MOCS2: variants seen among roughly 807,000 people sequenced by gnomAD.
MOCS2 encodes molybdenum cofactor synthesis 2, also known as molybdopterin synthase catalytic subunit.
In MOCS2, 13 loss-of-function variants were observed where a neutral mutation model predicts 21.9. That is an observed-to-expected ratio of 0.59 (90% CI 0.39 to 0.94). The LOEUF is 0.94. Among genes scored for constraint, MOCS2 ranks in the 40% least tolerant of loss-of-function variants. MOCS2 has a pLI of 0.00. For missense variants in MOCS2, 227 were observed against 218.3 expected (o/e 1.04, Z -0.25); for synonymous variants, 92 against 80.8 (o/e 1.14, Z -0.74).
rs1244462454 is a variant in MOCS2, at chr5:53,096,619, T to C, written c.*1983A>G. The C allele has an allele frequency of 1.3e-5, 2 of 152,184 alleles. No homozygotes were observed. Among genetic ancestry groups the C allele is most frequent in the Non-Finnish European group, 2.9e-5 (2 of 68,020 alleles). 9.4% of individuals were successfully genotyped at this position (152,184 alleles called of 1,614,324 possible). A position where few individuals can be genotyped will look rare whatever the true frequency, so the allele number is the denominator to read the frequency against. On this transcript the variant is annotated 3_prime_UTR_variant, in exon 7 of 7. Transcript: ENST00000396954. ...ACCAATTAACTCTGCCACTCCTAAG[T>C]AAGCAAGGGTCAGTAAAGATCCTAT... is the stretch of plus-strand genomic sequence containing the variant.
chr5:53,105,942 A>G (rs375814600), intron 3 of MOCS2, among the ~76,000 whole-genome samples: 2 of 152,246 alleles, frequency 1.3e-5, no homozygotes, highest in African/African-American at 2.4e-5. Context: ...AAAAGAAGAC[A>G]TACATGTGGC....
chr5:53,109,519 C>CGCAGTAAAGCCCGGAG lies in MOCS2; in HGVS notation c.-454_-439dup. On this transcript the variant is annotated 5_prime_UTR_variant, in exon 1 of 7. Coordinates refer to ENST00000396954, the MANE Select transcript of MOCS2 (RefSeq NM_004531.5). ...AGGACCCGACTTCTGCTGGGGCAGT[C>CGCAGTAAAGCCCGGAG]GCAGTAAAGCCCGGAGACAGGAAGG... 7.4e-7 allele frequency: 1 copy of CGCAGTAAAGCCCGGAG among 1,347,346 alleles called. No individual in the cohort carries two copies. Among genetic ancestry groups the CGCAGTAAAGCCCGGAG allele is most frequent in the Non-Finnish European group, 9.5e-7 (1 of 1,051,234 alleles). 83.5% of individuals were successfully genotyped at this position (1,347,346 alleles called of 1,614,324 possible). A position where few individuals can be genotyped will look rare whatever the true frequency, so the allele number is the denominator to read the frequency against.
intron 6 of MOCS2, among the ~76,000 whole-genome samples, chr5:53,100,109 C>A (rs1316022712): frequency 1.3e-5 from 2 of 152,110 alleles, no homozygotes; most frequent in Non-Finnish European, 2.9e-5. Context: ...CACTCTCCAA[C>A]AGAAAGACCC....
intron 5 of MOCS2, 120 bp from the exon 6 acceptor site, chr5:53,100,654 A>G: frequency 1.9e-6 from 2 of 1,044,068 alleles, no homozygotes; most frequent in Non-Finnish European, 1.4e-6. Context: ...CTGTAGTTCT[A>G]TTTTACGTAA....
rs1227939479 is a variant in MOCS2, at chr5:53,095,797, A to C, written c.*2805T>G. On this transcript the variant is annotated 3_prime_UTR_variant, in exon 7 of 7. Coordinates refer to ENST00000396954, the MANE Select transcript of MOCS2 (RefSeq NM_004531.5). ...TCATTTATATCCCATAGTTAACTGG[A>C]AAATAATTTTATACTTACTTTTTAA... 6.6e-6 allele frequency: 1 copy of C among 152,226 alleles called. No homozygotes were observed. The highest frequency in any genetic ancestry group is 1.5e-5 in the Non-Finnish European group (1 of 68,044). The allele number at this position is 152,226 out of a possible 1,614,324, so 9.4% of individuals were successfully genotyped here.
At chr5:53,098,937 GA>G (rs1193210477) in intron 6 of MOCS2, among the ~76,000 whole-genome samples, 2 of 152,086 alleles carry the variant, frequency 1.3e-5, no homozygotes, top group Admixed American at 1.3e-4. Context: ...ATTAGCTGTT[GA>G]ATTAAGTGGT....
In MOCS2 at chr5:53,097,993, G is replaced by A. The variant is rs1740793289; in HGVS notation, c.*609C>T. On this transcript the variant is annotated 3_prime_UTR_variant, in exon 7 of 7. Coordinates refer to ENST00000396954, the MANE Select transcript of MOCS2 (RefSeq NM_004531.5). ...CAAAAAGTTTTCTGGTAAGATTATA[G>A]ATTCTGAAATCCCAGAAATCTCCAT... is the stretch of plus-strand genomic sequence containing the variant. The A allele has an allele frequency of 6.6e-6, 1 of 151,876 alleles. No individual in the cohort carries two copies. The highest frequency in any genetic ancestry group is 1.5e-5 in the Non-Finnish European group (1 of 67,992). The allele number at this position is 151,876 out of a possible 1,614,324, so 9.4% of individuals were successfully genotyped here.
Position 53,101,376 on chromosome 5 carries a change from T to C in MOCS2, c.360A>G (p.Ala120=), listed in dbSNP as rs984312436. ...AATCATACCCAAGTCTATGGAACAC[T>C]GCTATGTGTTTGACTGGCCATTTCT... ...IRQKWPVKHI[A]VFHRLGLVPV... Residue 120 remains alanine (A), a synonymous_variant, in exon 5 of 7, where the codon GCA becomes GCG. Transcript: ENST00000396954. 2 of 1,613,956 alleles carry C rather than the reference T, an allele frequency of 1.2e-6. No homozygotes were observed. The highest frequency in any genetic ancestry group is 8.5e-7 in the Non-Finnish European group (1 of 1,179,922).
At position 53,101,506 on chromosome 5, in the gene MOCS2, G is replaced by C. The variant is rs774650788; in HGVS notation, c.230C>G (p.Thr77Ser). 6.3e-7 allele frequency: 1 copy of C among 1,593,744 alleles called. No individual in the cohort carries two copies. The highest frequency in any genetic ancestry group is 1.1e-5 in the South Asian group (1 of 90,254). Residue 77 changes from threonine (T) to serine (S), a missense_variant, in exon 5 of 7, where the codon ACT becomes AGT. Transcript: ENST00000396954. The part of the protein sequence containing the change: ...LCGAISLFVG[T>S]TRNNFEGKKV... The stretch of plus-strand genomic sequence containing the variant: ...TTTCCCTTCAAAGTTATTTCTTGTA[G>C]TCCCTTTAAAAATGAAAAAAAAGAA...
chr5:53,108,940 T>C (rs1263879874), intron 1 of MOCS2, among the ~76,000 whole-genome samples: 1 of 152,178 alleles, frequency 6.6e-6, no homozygotes, highest in African/African-American at 2.4e-5. Context: ...CCTGCCTTAA[T>C]TGACATAAAA....
chr5:53,109,074 T>C (rs1579937911), intron 1 of MOCS2, among the ~76,000 whole-genome samples, 177 bp downstream of exon 1: 1 of 152,220 alleles, frequency 6.6e-6, no homozygotes, highest in Non-Finnish European at 1.5e-5. Flanking sequence ...CAAATGACCT[T>C]AGATTCCGGT....
intron 4 of MOCS2, 118 bp downstream of exon 4, chr5:53,101,979 G>A (rs1005810478): frequency 9.5e-6 from 10 of 1,049,474 alleles, no homozygotes; most frequent in African/African-American, 3.2e-5. Flanking sequence ...CACCATCATC[G>A]GTAATCTTGG....
chr5:53,109,513 G>A lies in MOCS2; in HGVS notation c.-432C>T. On this transcript the variant is annotated 5_prime_UTR_variant, in exon 1 of 7. Coordinates refer to ENST00000396954, the MANE Select transcript of MOCS2 (RefSeq NM_004531.5). ...TCGGAGAGGACCCGACTTCTGCTGG[G>A]GCAGTCGCAGTAAAGCCCGGAGACA... 7.4e-7 allele frequency: 1 copy of A among 1,356,608 alleles called. No individual in the cohort carries two copies. 84.0% of individuals were successfully genotyped at this position (1,356,608 alleles called of 1,614,324 possible).
intron 3 of MOCS2, among the ~76,000 whole-genome samples, chr5:53,103,112 G>A (rs1740962002): frequency 6.6e-6 from 1 of 151,932 alleles, no homozygotes; most frequent in African/African-American, 2.4e-5. Flanking sequence ...ACCATTAAAT[G>A]TGTTAGGAGG....
At chr5:53,109,182 G>A in intron 1 of MOCS2, 69 bp downstream of exon 1, 1 of 579,384 alleles carries the variant, frequency 1.7e-6, no homozygotes, top group Non-Finnish European at 2.2e-6. Context: ...ACGACAGACT[G>A]GAATTTGCTA....
At position 53,109,663 on chromosome 5, in the gene MOCS2, T is replaced by A; in HGVS notation, c.-582A>T. ...GGAGGGAAAGGGCGGGAGAGACACGTCGAGGAGGGCTCCGCACCCAGGCCC... is the reference window on the plus strand; with the variant it reads ...GGAGGGAAAGGGCGGGAGAGACACGACGAGGAGGGCTCCGCACCCAGGCCC... On this transcript the variant is annotated 5_prime_UTR_variant, in exon 1 of 7. Transcript: ENST00000396954. 1 of 1,549,598 alleles carries A rather than the reference T, an allele frequency of 6.5e-7. No individual in the cohort carries two copies. Among genetic ancestry groups the A allele is most frequent in the Non-Finnish European group, 8.7e-7 (1 of 1,146,674 alleles).
intron 6 of MOCS2, among the ~76,000 whole-genome samples, chr5:53,099,334 A>G (rs1002084957): frequency 6.6e-6 from 1 of 152,172 alleles, no homozygotes; most frequent in Non-Finnish European, 1.5e-5. Flanking sequence ...GGTTGCTCCC[A>G]TCTACTTTCT....
chr5:53,101,307 A>C, intron 5 of MOCS2, 52 bp downstream of exon 5: 2 of 1,536,102 alleles, frequency 1.3e-6, no homozygotes, highest in South Asian at 1.1e-5. Flanking sequence ...GAGTTAGTAC[A>C]AAGATGGAAA....
intron 6 of MOCS2, among the ~76,000 whole-genome samples, chr5:53,099,730 T>C (rs528563549): frequency 6.6e-6 from 1 of 152,338 alleles, no homozygotes; most frequent in African/African-American, 2.4e-5. Flanking sequence ...TCTACTGAGC[T>C]GTTCATTAAC....
Sources: allele counts gnomAD v4.1 joint callset (sites outside exome capture counted in the v4.1 genomes callset), GRCh38; gene constraint gnomAD v4.1.1; transcripts MANE v1.5; gene names NCBI Gene and HGNC (gene_info 2026-07-23, HGNC 2026-07-21).